JAZF1: variants seen among roughly 807,000 people sequenced by gnomAD.
The protein encoded by JAZF1 is JAZF zinc finger 1, also known as juxtaposed with another zinc finger protein 1.
JAZF1 carries 8 observed loss-of-function variants against 26.4 expected under a neutral mutation model. That is an observed-to-expected ratio of 0.30 (90% CI 0.18 to 0.55). JAZF1 has a LOEUF of 0.55. Among genes scored for constraint, JAZF1 ranks in the 20% least tolerant of loss-of-function variants. The pLI, the probability that JAZF1 is intolerant of heterozygous loss-of-function variation, is 0.94. For synonymous variants in JAZF1, 126 were observed against 122.3 expected, an observed-to-expected ratio of 1.03 and a Z score of -0.20; for missense variants, 199 against 322.0, an observed-to-expected ratio of 0.62 and a Z score of 2.92.
intron 1 of JAZF1, among the ~76,000 whole-genome samples, chr7:28,083,924 G>A (rs1784175631): frequency 6.6e-6 from 1 of 152,036 alleles, no homozygotes; most frequent in Non-Finnish European, 1.5e-5. Flanking sequence ...AGAATTATTG[G>A]TATTGCTTTT....
chr7:28,081,263 C>T (rs1784132319), intron 1 of JAZF1, among the ~76,000 whole-genome samples: 1 of 152,162 alleles, frequency 6.6e-6, no homozygotes, highest in African/African-American at 2.4e-5. Flanking sequence ...AAGGAAATCA[C>T]ATAACGATGA....
rs180796936 is a variant in JAZF1 at position 28,149,936 on chromosome 7, C to T, written c.115+30527G>A. On this transcript the variant is annotated intron_variant, in intron 1 of 4. Transcript: ENST00000283928. ...CTGGCAGGAGCCTCAGCAGTGACCA[C>T]TAGAGCAAACACAGCGCCCACGTAA... 8.6e-3 allele frequency among the ~76,000 whole-genome samples: 1,309 copies of T among 152,312 alleles called. 13 individuals are homozygous for T. The highest frequency in any genetic ancestry group is 0.015 in the Admixed American group (234 of 15,284).
intron 1 of JAZF1, among the ~76,000 whole-genome samples, chr7:28,049,114 T>C (rs1359065324): frequency 3.4e-5 from 5 of 145,074 alleles, no homozygotes; most frequent in Admixed American, 1.4e-4. Flanking sequence ...ACAGATTCTT[T>C]CTCTGTAGCC....
intron 1 of JAZF1, among the ~76,000 whole-genome samples, chr7:28,160,006 T>C (rs1783257018): frequency 1.3e-5 from 2 of 152,128 alleles, no homozygotes; most frequent in East Asian, 1.9e-4. Flanking sequence ...TTGCTTATAA[T>C]AGCAAAAAAG....
intron 1 of JAZF1, among the ~76,000 whole-genome samples, chr7:28,087,494 T>A (rs996879977): frequency 6.6e-6 from 1 of 151,256 alleles, no homozygotes; most frequent in African/African-American, 2.4e-5. Flanking sequence ...AAATAGGATT[T>A]AAAAAAAAAT....
intron 3 of JAZF1, among the ~76,000 whole-genome samples, chr7:27,882,052 A>C (rs909683881): frequency 6.6e-6 from 1 of 152,232 alleles, no homozygotes; most frequent in African/African-American, 2.4e-5. Flanking sequence ...GTTGGTAGAC[A>C]ATGTCAGGGA....
At chr7:27,940,324 C>T (rs1023513723) in intron 2 of JAZF1, among the ~76,000 whole-genome samples, 6 of 152,128 alleles carry the variant, frequency 3.9e-5, no homozygotes, top group Non-Finnish European at 5.9e-5. Flanking sequence ...CGCCACCCCC[C>T]GTGATCAGCC....
chr7:27,846,652 T>TG (rs1687276240), intron 3 of JAZF1: 2 of 415,274 alleles, frequency 4.8e-6, no homozygotes, highest in Non-Finnish European at 1.0e-5. Context: ...TCTGAATGGG[T>TG]GTGCTCTTTT....
chr7:28,102,196 A>T (rs1294258124), intron 1 of JAZF1, among the ~76,000 whole-genome samples: 1 of 152,250 alleles, frequency 6.6e-6, no homozygotes, highest in Non-Finnish European at 1.5e-5. Context: ...GAAAGAGATA[A>T]GAGATGGACC....
At chr7:27,931,066 T>C (rs73685859) in intron 2 of JAZF1, among the ~76,000 whole-genome samples, 3,617 of 152,306 alleles carry the variant, frequency 0.024, 135 homozygotes, top group African/African-American at 0.082. Flanking sequence ...AATTTCTCAG[T>C]GCAGTAATTA....
At position 27,888,144 on chromosome 7, in the gene JAZF1, G is replaced by A. The variant is rs564133388; in HGVS notation, c.385+7076C>T. On this transcript the variant is annotated intron_variant, in intron 3 of 4. Transcript: ENST00000283928. ...AGGGAAATGTAAATCAGATCAATAC[G>A]AAGATTTTAGGGAACGTTGCTTAGG... 9.9e-5 allele frequency among the ~76,000 whole-genome samples: 15 copies of A among 152,284 alleles called. No homozygotes were observed. In the East Asian group the frequency reaches 2.9e-3, roughly 29 times the overall value.
chr7:27,877,523 A>G (rs1235971850), intron 3 of JAZF1, among the ~76,000 whole-genome samples: 3 of 152,164 alleles, frequency 2.0e-5, no homozygotes, highest in Admixed American at 6.5e-5. Context: ...TGTTCCTTCA[A>G]TATGGGGAAG....
chr7:27,889,308 G>A (rs1196788025), intron 3 of JAZF1, among the ~76,000 whole-genome samples: 1 of 151,932 alleles, frequency 6.6e-6, no homozygotes, highest in Non-Finnish European at 1.5e-5. Context: ...TGGGGGGAGG[G>A]GGGAGAAATT....
At chr7:28,005,406 T>C (rs1428284464) in intron 1 of JAZF1, among the ~76,000 whole-genome samples, 2 of 148,666 alleles carry the variant, frequency 1.3e-5, no homozygotes, top group African/African-American at 5.0e-5. Flanking sequence ...GGAAGCCGAA[T>C]CATTGCTTAA....
chr7:28,017,920 C>T (rs1782925362), intron 1 of JAZF1, among the ~76,000 whole-genome samples: 1 of 152,112 alleles, frequency 6.6e-6, no homozygotes, highest in Non-Finnish European at 1.5e-5. Context: ...ATTACAGGTG[C>T]CTGCCACCAC....
chr7:28,138,080 T>G (rs938789134), intron 1 of JAZF1, among the ~76,000 whole-genome samples: 2 of 152,054 alleles, frequency 1.3e-5, no homozygotes, highest in African/African-American at 4.8e-5. Flanking sequence ...CAAGAAAAAC[T>G]AAAGAAAAGA....
intron 2 of JAZF1, among the ~76,000 whole-genome samples, chr7:27,982,643 G>A (rs1236944610): frequency 1.3e-5 from 2 of 152,222 alleles, no homozygotes; most frequent in Non-Finnish European, 2.9e-5. Flanking sequence ...AGAATGGACA[G>A]ACTCCCTCCT....
chr7:27,892,615 T>A (rs962058793), intron 3 of JAZF1, among the ~76,000 whole-genome samples: 2 of 152,172 alleles, frequency 1.3e-5, no homozygotes, highest in Non-Finnish European at 2.9e-5. Flanking sequence ...ATCATAGCAA[T>A]ACCCAGAAAA....
chr7:27,956,298 A>G (rs942661704), intron 2 of JAZF1, among the ~76,000 whole-genome samples: 5 of 152,146 alleles, frequency 3.3e-5, no homozygotes, highest in African/African-American at 1.2e-4. Context: ...CTAGCCATAT[A>G]TTATAAAACT....
Sources: gnomAD v4.1 joint callset for allele counts (sites outside exome capture counted in the v4.1 genomes callset) on GRCh38, gnomAD v4.1.1 for gene constraint, MANE v1.5 for transcripts, NCBI Gene and HGNC (gene_info 2026-07-23, HGNC 2026-07-21) for gene names.